The following ARID4A variants were observed in gnomAD, a reference collection of about 807,000 sequenced individuals.
ARID4A encodes the protein AT-rich interaction domain 4A.
In ARID4A, 39 loss-of-function variants were observed where a neutral mutation model predicts 148.6. The ratio of observed to expected loss-of-function variants is 0.26; its 90% CI spans 0.20 to 0.34. The LOEUF (loss-of-function observed/expected upper bound fraction) is 0.34. Ranked by LOEUF, ARID4A falls within the 10% of genes least tolerant of loss-of-function variation. The probability of loss-of-function intolerance (pLI) is 1.00; values close to 1 mark genes in which losing one functional copy is unlikely to be tolerated. For synonymous variants in ARID4A, 475 were observed against 481.2 expected (o/e 0.99, Z 0.17); for missense variants, 1,265 against 1,449.1 (o/e 0.87, Z 2.06).
intron 11 of ARID4A, among the ~76,000 whole-genome samples, chr14:58,332,849 A>G (rs568134337): frequency 3.9e-5 from 6 of 152,320 alleles, no homozygotes; most frequent in Middle Eastern, 3.4e-3. Context: ...CTAAACCACT[A>G]TAACAATACT....
At chr14:58,345,909 TA>T (rs910718299) in intron 12 of ARID4A, among the ~76,000 whole-genome samples, 1 of 151,468 alleles carries the variant, frequency 6.6e-6, no homozygotes, top group Non-Finnish European at 1.5e-5. Flanking sequence ...GTTTTCCTTT[TA>T]ATTTTTGTAG....
chr14:58,311,719 A>C (rs1306140314), intron 5 of ARID4A, among the ~76,000 whole-genome samples: 1 of 152,324 alleles, frequency 6.6e-6, no homozygotes, highest in East Asian at 1.9e-4. Context: ...TATAAAGAAA[A>C]TGTGATATAT....
intron 17 of ARID4A, 52 bp from the exon 18 acceptor site, chr14:58,359,080 T>TTATAATG: frequency 1.3e-6 from 2 of 1,522,484 alleles, no homozygotes; most frequent in Non-Finnish European, 1.8e-6. Context: ...TTCAAAAAGG[T>TTATAATG]TATAATGTAT....
chr14:58,298,722 C>T (rs2030783234), intron 1 of ARID4A, 22 bp downstream of exon 1: 1 of 152,526 alleles, frequency 6.6e-6, no homozygotes, highest in African/African-American at 2.4e-5. Context: ...GAGGGGAATC[C>T]GGGGATACTG....
At chr14:58,341,071 TTCTCTCTGTCTC>T (rs1047794395) in intron 11 of ARID4A, among the ~76,000 whole-genome samples, 2 of 152,120 alleles carry the variant, frequency 1.3e-5, no homozygotes, top group African/African-American at 4.8e-5. Context: ...CTCTCTGTCT[TTCTCTCTGTCTC>T]TCTCTCTTCC....
chr14:58,298,997 T>C (rs992429861), intron 1 of ARID4A, among the ~76,000 whole-genome samples: 8 of 152,264 alleles, frequency 5.3e-5, no homozygotes, highest in East Asian at 1.9e-4. Flanking sequence ...AGCGGGCTGC[T>C]TGGGGGAGCC....
At chr14:58,344,912 G>A in intron 12 of ARID4A, 145 bp downstream of exon 12, 1 of 657,668 alleles carries the variant, frequency 1.5e-6, no homozygotes, top group Non-Finnish European at 2.5e-6. Context: ...TTGCTTTGAT[G>A]CCCAGGCTGG....
chr14:58,356,345 A>G (rs1209223194), intron 17 of ARID4A, among the ~76,000 whole-genome samples: 3 of 152,134 alleles, frequency 2.0e-5, no homozygotes, highest in Non-Finnish European at 4.4e-5. Context: ...ACTATACTTG[A>G]TTTTACTATA....
intron 8 of ARID4A, among the ~76,000 whole-genome samples, chr14:58,326,947 C>T (rs1358618615): frequency 1.3e-5 from 2 of 152,094 alleles, no homozygotes; most frequent in Non-Finnish European, 2.9e-5. Context: ...ATACTGTTAG[C>T]TCCTTGAGGG....
At chr14:58,312,831 G>C (rs1402681282) in intron 5 of ARID4A, among the ~76,000 whole-genome samples, 1 of 152,162 alleles carries the variant, frequency 6.6e-6, no homozygotes. Context: ...TTCCTACTTT[G>C]TAGAGGCTGT....
chr14:58,312,942 A>G (rs1054810803), intron 5 of ARID4A, among the ~76,000 whole-genome samples: 1 of 152,224 alleles, frequency 6.6e-6, no homozygotes, highest in Non-Finnish European at 1.5e-5. Flanking sequence ...ATCTTTCAGT[A>G]TCAGTGCTGT....
intron 11 of ARID4A, among the ~76,000 whole-genome samples, chr14:58,340,474 T>C (rs980215878): frequency 2.6e-5 from 4 of 152,164 alleles, no homozygotes; most frequent in Non-Finnish European, 5.9e-5. Context: ...CTCAGCCTCC[T>C]GAGTAGCTGG....
At chr14:58,319,299 C>G (rs1465742010) in intron 7 of ARID4A, among the ~76,000 whole-genome samples, 3 of 151,444 alleles carry the variant, frequency 2.0e-5, no homozygotes, top group Non-Finnish European at 2.9e-5. Context: ...GAACTCCTGA[C>G]CTCGTGATCC....
rs548303901 is a variant in ARID4A at position 58,306,538 on chromosome 14, T to G, written c.274+426T>G. ...CATGGTAGATTCAAGAATAGGTGAT[T>G]GTTAACTTAGTTTTTGATTTTTGAT... On this transcript the variant is annotated intron_variant, in intron 5 of 23. Coordinates refer to ENST00000355431, the MANE Select transcript of ARID4A (RefSeq NM_002892.4). 4.6e-5 allele frequency among the ~76,000 whole-genome samples: 7 copies of G among 152,316 alleles called. No individual in the cohort carries two copies. In the South Asian group the frequency reaches 1.2e-3, roughly 27 times the overall value.
At chr14:58,329,893 A>T in intron 10 of ARID4A, 110 bp from the exon 11 acceptor site, 1 of 1,499,750 alleles carries the variant, frequency 6.7e-7, no homozygotes, top group African/African-American at 1.4e-5. Context: ...ATCATTTTAT[A>T]AATGACAGCC....
At chr14:58,361,516 A>G (rs150291711) in intron 19 of ARID4A, among the ~76,000 whole-genome samples, 105 of 152,282 alleles carry the variant, frequency 6.9e-4, no homozygotes, top group African/African-American at 2.4e-3. Context: ...CTGATAAGCA[A>G]TTTTCTTACA....
At chr14:58,363,792 C>T (rs2035235402) in intron 19 of ARID4A, among the ~76,000 whole-genome samples, 2 of 152,162 alleles carry the variant, frequency 1.3e-5, no homozygotes, top group Admixed American at 1.3e-4. Flanking sequence ...TGCCCATCAT[C>T]TGTCCTTCCT....
At chr14:58,326,246 G>A (rs1043252615) in intron 8 of ARID4A, among the ~76,000 whole-genome samples, 5 of 152,132 alleles carry the variant, frequency 3.3e-5, no homozygotes, top group African/African-American at 1.2e-4. Context: ...GACCATCCTG[G>A]CTAACATGGT....
At chr14:58,344,833 AT>A in intron 12 of ARID4A, 66 bp downstream of exon 12, 1 of 1,185,982 alleles carries the variant, frequency 8.4e-7, no homozygotes, top group Non-Finnish European at 1.2e-6. Context: ...AGGTATATGC[AT>A]TGTTTTTGTT....
Sources: gnomAD v4.1 joint callset for allele counts (sites outside exome capture counted in the v4.1 genomes callset) on GRCh38, gnomAD v4.1.1 for gene constraint, MANE v1.5 for transcripts, NCBI Gene and HGNC (gene_info 2026-07-23, HGNC 2026-07-21) for gene names.